SMG6: variants seen among roughly 807,000 people sequenced by gnomAD.
The protein encoded by SMG6 is SMG6 nonsense mediated mRNA decay factor.
A neutral mutation model predicts 142.2 loss-of-function variants in SMG6; 66 were observed. The ratio of observed to expected loss-of-function variants is 0.46; its 90% CI spans 0.38 to 0.57. The LOEUF is 0.57. SMG6 is among the 20% of genes least tolerant of loss of function. The pLI, the probability that SMG6 is intolerant of heterozygous loss-of-function variation, is 0.00. For missense variants in SMG6, 1,793 were observed against 1,832.0 expected (o/e 0.98, Z 0.39); for synonymous variants, 779 against 702.4 (o/e 1.11, Z -1.72).
chr17:2,180,973 T>C (rs1314670665), intron 12 of SMG6, among the ~76,000 whole-genome samples: 1 of 152,200 alleles, frequency 6.6e-6, no homozygotes, highest in Non-Finnish European at 1.5e-5. Context: ...CCTGCTCCCT[T>C]GGGAGCATTT....
intron 11 of SMG6, among the ~76,000 whole-genome samples, chr17:2,187,743 TA>T (rs35269327): frequency 2.1e-3 from 291 of 137,840 alleles, no homozygotes; most frequent in Admixed American, 2.3e-3. Flanking sequence ...CTTCTGTCCC[TA>T]AAAAAAAAAA....
chr17:2,211,520 C>T (rs1429681814), intron 10 of SMG6, among the ~76,000 whole-genome samples: 3 of 151,966 alleles, frequency 2.0e-5, no homozygotes, highest in South Asian at 2.1e-4. Flanking sequence ...AAAAATTAGC[C>T]GGGCGTGGTG....
At chr17:2,282,623 A>G (rs1386850868) in intron 8 of SMG6, 24 bp downstream of exon 8, 1 of 1,611,974 alleles carries the variant, frequency 6.2e-7, no homozygotes, top group Non-Finnish European at 8.5e-7. Context: ...AGTTTGGCTC[A>G]TTGCATCATT....
intron 10 of SMG6, among the ~76,000 whole-genome samples, chr17:2,219,697 G>A (rs1365876882): frequency 1.3e-5 from 2 of 151,572 alleles, no homozygotes; most frequent in African/African-American, 4.9e-5. Context: ...GCTGAGATGG[G>A]AGGACTGCTT....
At chr17:2,099,342 C>T (rs1245600469) in intron 13 of SMG6, among the ~76,000 whole-genome samples, 3 of 152,076 alleles carry the variant, frequency 2.0e-5, no homozygotes, top group Non-Finnish European at 4.4e-5. Flanking sequence ...AGGCTGCCTC[C>T]AGTTTCTCAT....
At chr17:2,093,942 C>A (rs2068791040) in intron 13 of SMG6, among the ~76,000 whole-genome samples, 1 of 152,004 alleles carries the variant, frequency 6.6e-6, no homozygotes, top group African/African-American at 2.4e-5. Context: ...AACTAAGGTG[C>A]TAGATCCAGG....
chr17:2,176,345 C>T (rs1308085168), intron 12 of SMG6, among the ~76,000 whole-genome samples: 2 of 152,146 alleles, frequency 1.3e-5, no homozygotes, highest in Admixed American at 6.5e-5. Context: ...AAGTCAAATT[C>T]GGGTGGCGAT....
chr17:2,065,457 C>A lies in SMG6; in HGVS notation c.4047+11G>T, dbSNP rs370075857. ...GGCTGTGGGCTTTCCCTTCCTGCCA[C>A]AGGGTCTCACCAGCTGGCCAGTGAT... On this transcript the variant is annotated intron_variant, in intron 17 of 18. Coordinates refer to ENST00000263073, the MANE Select transcript of SMG6 (RefSeq NM_017575.5). 1 of 1,609,704 alleles carries A rather than the reference C, an allele frequency of 6.2e-7. No homozygotes were observed. The highest frequency in any genetic ancestry group is 1.3e-5 in the African/African-American group (1 of 74,840).
chr17:2,256,820 C>G (rs1370665732), intron 8 of SMG6, among the ~76,000 whole-genome samples: 1 of 151,914 alleles, frequency 6.6e-6, no homozygotes, highest in African/African-American at 2.4e-5. Context: ...AATAGGTTAT[C>G]CAGGCAATAT....
At chr17:2,206,028 C>T (rs2072670040) in intron 10 of SMG6, among the ~76,000 whole-genome samples, 1 of 152,052 alleles carries the variant, frequency 6.6e-6, no homozygotes, top group Non-Finnish European at 1.5e-5. Context: ...AGGCTGGTCT[C>T]AAACTCCTGA....
Position 2,300,203 on chromosome 17 carries a change from C to T in SMG6, c.550G>A (p.Gly184Arg), listed in dbSNP as rs2075247357. ...GCAACTTCCTCCTTCGCAACATTTC[C>T]CCTACACTCATCTTCCTCTACTCTC... ...QLRVEEDECRGNVAKEEVANK... is the reference protein window; with the variant it reads ...QLRVEEDECRRNVAKEEVANK... Residue 184 changes from glycine to arginine, a missense_variant, in exon 2 of 19, where the codon GGA becomes AGA. By Grantham distance (125) the Gly-to-Arg change is moderately radical. This residue lies in a region of SMG6 where 1,597 missense variants were observed against 1,584.6 expected (regional missense o/e 1.01). Transcript: ENST00000263073. 1 of 1,614,140 alleles carries T rather than the reference C, an allele frequency of 6.2e-7. No homozygotes were observed. The highest frequency in any genetic ancestry group is 1.1e-5 in the South Asian group (1 of 91,084).
At chr17:2,235,062 A>T (rs2073610885) in intron 10 of SMG6, among the ~76,000 whole-genome samples, 2 of 152,230 alleles carry the variant, frequency 1.3e-5, no homozygotes, top group African/African-American at 4.8e-5. Context: ...TTCCAGAGTC[A>T]GGTGGGCTTC....
chr17:2,216,581 C>G lies in SMG6; in HGVS notation c.2869+19911G>C, dbSNP rs541161040. ...CAACAATCTGTTAATTTCTTATTTG[C>G]CTAAACTCTTTATACATTTTCAGAC... On this transcript the variant is annotated intron_variant, in intron 10 of 18. Transcript: ENST00000263073. Among the ~76,000 whole-genome samples the G allele has an allele frequency of 2.0e-5, 3 of 152,168 alleles. No homozygotes were observed. The East Asian group carries it at 5.8e-4, about 29-fold the overall frequency.
At chr17:2,080,877 CG>C (rs1162614153) in intron 15 of SMG6, among the ~76,000 whole-genome samples, 3 of 152,108 alleles carry the variant, frequency 2.0e-5, no homozygotes, top group African/African-American at 7.2e-5. Flanking sequence ...CCTCATGATC[CG>C]CCCGCCTCAG....
intron 13 of SMG6, among the ~76,000 whole-genome samples, chr17:2,115,200 C>A (rs2069469631): frequency 6.6e-6 from 1 of 151,866 alleles, no homozygotes; most frequent in Non-Finnish European, 1.5e-5. Context: ...TCTACTCTAG[C>A]AAACAGAGTG....
chr17:2,113,663 C>T (rs2069409998), intron 13 of SMG6, among the ~76,000 whole-genome samples: 1 of 152,238 alleles, frequency 6.6e-6, no homozygotes, highest in African/African-American at 2.4e-5. Context: ...TCAAAACCAT[C>T]ACTCCTACTC....
chr17:2,183,401 C>A (rs2071868229), intron 12 of SMG6, among the ~76,000 whole-genome samples: 1 of 152,134 alleles, frequency 6.6e-6, no homozygotes, highest in African/African-American at 2.4e-5. Context: ...CACAGTGACA[C>A]TAACACAAAG....
chr17:2,154,531 A>G (rs1441258569), intron 13 of SMG6, among the ~76,000 whole-genome samples: 7 of 152,156 alleles, frequency 4.6e-5, no homozygotes, highest in Admixed American at 4.6e-4. Flanking sequence ...TTACAAAGGT[A>G]TGAAATCTCA....
At chr17:2,264,395 T>C (rs1453554751) in intron 8 of SMG6, among the ~76,000 whole-genome samples, 1 of 152,320 alleles carries the variant, frequency 6.6e-6, no homozygotes. Flanking sequence ...ACTACATCTT[T>C]ACATTGGCTT....
Sources: gnomAD v4.1 joint callset for allele counts (sites outside exome capture counted in the v4.1 genomes callset) on GRCh38, gnomAD v4.1.1 for gene constraint, gnomAD v4.1.1 regional missense constraint, MANE v1.5 for transcripts, NCBI Gene and HGNC (gene_info 2026-07-23, HGNC 2026-07-21) for gene names.